Variants in COQ8A observed in about 807,000 individuals in gnomAD.
The protein encoded by COQ8A is coenzyme Q8A.
Under a neutral mutation model 65.0 loss-of-function variants are expected in COQ8A, and 51 were observed. That is an observed-to-expected ratio of 0.78 (90% CI 0.63 to 0.99). The LOEUF (loss-of-function observed/expected upper bound fraction) is 0.99. COQ8A is among the 50% of genes least tolerant of loss of function. COQ8A has a pLI of 0.00. For synonymous variants in COQ8A, 371 were observed against 353.2 expected (o/e 1.05, Z -0.57); for missense variants, 940 against 875.0 (o/e 1.07, Z -0.94).
intron 1 of COQ8A, among the ~76,000 whole-genome samples, chr1:226,957,546 A>G (rs1657882041): frequency 6.6e-6 from 1 of 152,136 alleles, no homozygotes; most frequent in Non-Finnish European, 1.5e-5. Context: ...GCCTGCTGTC[A>G]TAGAGGAGAT....
rs1304737029 is a variant in COQ8A at position 226,949,287 on chromosome 1, C to A, written c.-10+8888C>A. The stretch of plus-strand genomic sequence containing the variant: ...TTTATATATATGTCTACATACATGT[C>A]TACAGGTAGAGGAGCCATTTGAGCA... On this transcript the variant is annotated intron_variant, in intron 1 of 14. Transcript: ENST00000366777. This position sits in a 1 kb window ranked among gnomAD's most constrained non-coding sequence, Gnocchi z 4.0. Among the ~76,000 whole-genome samples, 2 of 151,978 alleles carry A rather than the reference C, an allele frequency of 1.3e-5. No homozygotes were observed. Among genetic ancestry groups the A allele is most frequent in the African/African-American group, 2.4e-5 (1 of 41,368 alleles).
chr1:226,960,351 G>GTACTTGGTGGTGC (rs1658118503), intron 1 of COQ8A, among the ~76,000 whole-genome samples: 1 of 13,064 alleles, frequency 7.7e-5, no homozygotes, highest in Admixed American at 7.8e-4. Flanking sequence ...GGTGGTGGTG[G>GTACTTGGTGGTGC]TGGTGGTGCT....
Position 226,986,921 on chromosome 1 carries a change from G to C in COQ8A, c.*184G>C, listed in dbSNP as rs548257684. Reference sequence around the variant, plus strand: ...TTGCTAAATGGTTGTAGGGTGAGAAGTGCAAGAATGAAGATGAAGCCCCAC... The same window carrying C: ...TTGCTAAATGGTTGTAGGGTGAGAACTGCAAGAATGAAGATGAAGCCCCAC... On this transcript the variant is annotated 3_prime_UTR_variant, in exon 15 of 15. Coordinates refer to ENST00000366777, the MANE Select transcript of COQ8A (RefSeq NM_020247.5). 5.6e-6 allele frequency: 4 copies of C among 708,216 alleles called. No homozygotes were observed. The highest frequency in any genetic ancestry group is 9.3e-6 in the Non-Finnish European group (4 of 429,614). 43.9% of individuals were successfully genotyped at this position (708,216 alleles called of 1,614,324 possible). A position where few individuals can be genotyped will look rare whatever the true frequency, so the allele number is the denominator to read the frequency against.
intron 1 of COQ8A, chr1:226,957,981 C>T (rs577790493): frequency 1.3e-5 from 2 of 152,230 alleles, no homozygotes; most frequent in African/African-American, 2.4e-5. Context: ...TTTCCTAACC[C>T]CTGTCCGTGG....
At chr1:226,984,974 G>GT (rs1234319126) in intron 13 of COQ8A, 33 bp downstream of exon 13, 1 of 1,611,464 alleles carries the variant, frequency 6.2e-7, no homozygotes. Context: ...CTTGGTCCAT[G>GT]TTTTTCTGAG....
intron 1 of COQ8A, among the ~76,000 whole-genome samples, chr1:226,960,096 A>G (rs1220952365): frequency 1.9e-4 from 10 of 53,678 alleles, no homozygotes; most frequent in South Asian, 5.3e-4. Context: ...GGTGGTGGTG[A>G]TGGTACTTGG....
rs543195946 is a variant in COQ8A at position 226,986,443 on chromosome 1, C to T, written c.1660-10C>T. 7 of 1,611,238 alleles carry T rather than the reference C, an allele frequency of 4.3e-6. No individual in the cohort carries two copies. Among genetic ancestry groups the T allele is most frequent in the Non-Finnish European group, 5.9e-6 (7 of 1,179,902 alleles). On this transcript the variant is annotated splice_polypyrimidine_tract_variant and intron_variant, in intron 14 of 14. Coordinates refer to ENST00000366777, the MANE Select transcript of COQ8A (RefSeq NM_020247.5). ...TCTCGCCGCCATTTATCCTTCCTCT[C>T]TTGCCCCAGGTCATGGAAGACGCCC...
intron 1 of COQ8A, among the ~76,000 whole-genome samples, chr1:226,950,800 C>G (rs1258476380): frequency 6.6e-6 from 1 of 152,116 alleles, no homozygotes; most frequent in Non-Finnish European, 1.5e-5. Flanking sequence ...GATTCAGTGC[C>G]TGCTTTCAAC....
Position 226,985,333 on chromosome 1 carries a change from A to G in COQ8A, c.1652A>G (p.Glu551Gly). The change falls in exon 14 of 15, where the codon GAG becomes GGG. Residue 551 changes from glutamate to glycine, a missense_variant. Coordinates refer to ENST00000366777, the MANE Select transcript of COQ8A (RefSeq NM_020247.5). Reference sequence around the variant, plus strand: ...GAGATGAAGTTCCTCACCGGCTACGAGGTCAAGGTGAGCAGGGTTGCGGGG... The same window carrying G: ...GAGATGAAGTTCCTCACCGGCTACGGGGTCAAGGTGAGCAGGGTTGCGGGG... ...SIEMKFLTGY[E>G]VKVMEDAHLD... The G allele has an allele frequency of 6.2e-7, 1 of 1,613,524 alleles. No homozygotes were observed. The highest frequency in any genetic ancestry group is 8.5e-7 in the Non-Finnish European group (1 of 1,179,982).
At chr1:226,971,680 T>C (rs1295559344) in intron 4 of COQ8A, among the ~76,000 whole-genome samples, 2 of 152,272 alleles carry the variant, frequency 1.3e-5, no homozygotes, top group Non-Finnish European at 2.9e-5. Flanking sequence ...CTCTATTGTT[T>C]TCTTACTTTG....
chr1:226,951,444 C>T (rs1307698278), intron 1 of COQ8A, among the ~76,000 whole-genome samples: 1 of 152,184 alleles, frequency 6.6e-6, no homozygotes, highest in Non-Finnish European at 1.5e-5. Context: ...ATGAGCAGTA[C>T]TTAGGGGCCA....
chr1:226,944,170 G>T (rs145268772), intron 1 of COQ8A, among the ~76,000 whole-genome samples: 352 of 152,178 alleles, frequency 2.3e-3, no homozygotes, highest in African/African-American at 8.1e-3. Context: ...AGGGAACACT[G>T]TGGGGCAGGG....
intron 1 of COQ8A, among the ~76,000 whole-genome samples, chr1:226,957,813 T>C (rs1475633278): frequency 6.6e-6 from 1 of 152,122 alleles, no homozygotes; most frequent in African/African-American, 2.4e-5. Context: ...GATTTGAAGG[T>C]CCCCATGACC....
intron 1 of COQ8A, among the ~76,000 whole-genome samples, chr1:226,945,252 C>T (rs1172830683): frequency 2.0e-5 from 3 of 152,180 alleles, no homozygotes; most frequent in African/African-American, 4.8e-5. Flanking sequence ...AGGTCACCCG[C>T]GCTTGGTGGC....
rs1207810925 is a variant in COQ8A at position 226,983,041 on chromosome 1, G to A, written c.1080+7G>A. The A allele has an allele frequency of 1.1e-5, 17 of 1,578,042 alleles. No homozygotes were observed. Among genetic ancestry groups the A allele is most frequent in the Non-Finnish European group, 9.5e-6 (11 of 1,163,298 alleles). Reference sequence around the variant, plus strand: ...GGTGGCCATGAAGATCCAGGTAGGCGGCCTGATGCGCAGTGCCTGTCCCTA... The same window carrying A: ...GGTGGCCATGAAGATCCAGGTAGGCAGCCTGATGCGCAGTGCCTGTCCCTA... On this transcript the variant is annotated splice_region_variant and intron_variant, in intron 8 of 14. Coordinates refer to ENST00000366777, the MANE Select transcript of COQ8A (RefSeq NM_020247.5).
chr1:226,960,393 TGGTGGTACTTGGTGGTGGC>T (rs1558187410), intron 1 of COQ8A, among the ~76,000 whole-genome samples: 1 of 1,462 alleles, frequency 6.8e-4, no homozygotes, highest in Non-Finnish European at 2.3e-3. Context: ...GTGGTGTCAG[TGGTGGTACTTGGTGGTGGC>T]GGTGGTACTT....
At position 226,947,899 on chromosome 1, in the gene COQ8A, C is replaced by T. The variant is rs187767399; in HGVS notation, c.-10+7500C>T. 1.1e-3 allele frequency among the ~76,000 whole-genome samples: 174 copies of T among 152,224 alleles called. 1 individual carries two copies. The highest frequency in any genetic ancestry group is 4.1e-3 in the African/African-American group (172 of 41,548). On this transcript the variant is annotated intron_variant, in intron 1 of 14. Transcript: ENST00000366777. Reference sequence around the variant, plus strand: ...TCATTAAGAACAGGAATGCACTGAGCTGTCTGTGGGGTAGTCTACCACCCA... The same window carrying T: ...TCATTAAGAACAGGAATGCACTGAGTTGTCTGTGGGGTAGTCTACCACCCA...
intron 4 of COQ8A, among the ~76,000 whole-genome samples, chr1:226,976,543 G>T (rs1558199301): frequency 6.6e-6 from 1 of 152,186 alleles, no homozygotes; most frequent in African/African-American, 2.4e-5. Context: ...ACCGTGCCCA[G>T]CCAGGTGCTC....
At chr1:226,981,444 A>AG (rs34691367) in intron 5 of COQ8A, among the ~76,000 whole-genome samples, 5 of 152,234 alleles carry the variant, frequency 3.3e-5, no homozygotes, top group African/African-American at 9.6e-5. Flanking sequence ...ACTGAGCTGC[A>AG]GGGGGCCTCT....
Sources: gnomAD v4.1 joint callset for allele counts (sites outside exome capture counted in the v4.1 genomes callset) on GRCh38, gnomAD v4.1.1 for gene constraint, Gnocchi (gnomAD v3.1) non-coding constraint, MANE v1.5 for transcripts, NCBI Gene and HGNC (gene_info 2026-07-23, HGNC 2026-07-21) for gene names.